Variants in TNS3 observed in about 807,000 individuals in gnomAD.
TNS3 encodes tensin-3.
In TNS3, 45 loss-of-function variants were observed where a neutral mutation model predicts 140.9. That is an observed-to-expected ratio of 0.32 (90% CI 0.25 to 0.41). The LOEUF is 0.41. Ranked by LOEUF, TNS3 falls within the 10% of genes least tolerant of loss-of-function variation. The pLI is 1.00. For missense variants in TNS3, 1,716 were observed against 1,906.7 expected (o/e 0.90, Z 1.86); for synonymous variants, 815 against 788.4 (o/e 1.03, Z -0.56).
rs1327899998 is a variant in TNS3, at chr7:47,415,175, C to T, written c.505G>A (p.Gly169Arg). The change falls in exon 11 of 31, where the codon GGA becomes AGA. Residue 169 changes from glycine (G) to arginine (R), a missense_variant. Coordinates refer to ENST00000311160, the MANE Select transcript of TNS3 (RefSeq NM_022748.12). ...YVQFLSGLLS[G>R]SVKMNASPLF... ...GGAGAGGCATTCATTTTCACCGATC[C>T]GGACAGGAGCCCACTGAGGAACTGA... is the stretch of plus-strand genomic sequence containing the variant. 2.1e-5 allele frequency: 33 copies of T among 1,609,666 alleles called. No homozygotes were observed. Among genetic ancestry groups the T allele is most frequent in the Non-Finnish European group, 2.5e-5 (30 of 1,178,450 alleles).
chr7:47,379,701 T>C (rs998965188), intron 16 of TNS3, among the ~76,000 whole-genome samples: 1 of 152,176 alleles, frequency 6.6e-6, no homozygotes. Flanking sequence ...GCTCCCTTGG[T>C]GCATCAGTCT....
chr7:47,368,723 C>T lies in TNS3; in HGVS notation c.1923G>A (p.Val641=). The T allele has an allele frequency of 6.3e-7, 1 of 1,576,338 alleles. No individual in the cohort carries two copies. Among genetic ancestry groups the T allele is most frequent in the Non-Finnish European group, 8.6e-7 (1 of 1,160,696 alleles). The change falls in exon 17 of 31, where the codon GTG becomes GTA. Residue 641 remains valine (V), a synonymous_variant. Coordinates refer to ENST00000311160, the MANE Select transcript of TNS3 (RefSeq NM_022748.12). ...CACTGCCTACACCCCTCTGGACAGC[C>T]ACCCTACTGCTGGTCCCTCGGGTGG... ...LTPTRGTSSR[V]AVQRGVGSGP... is the part of the protein sequence containing the mutation.
intron 17 of TNS3, 80 bp from the exon 18 acceptor site, chr7:47,346,436 T>G (rs911869021): frequency 2.6e-5 from 40 of 1,545,224 alleles, no homozygotes; most frequent in Non-Finnish European, 3.3e-5. Context: ...TCTTGCCTGC[T>G]GCTTCTCAAA....
At chr7:47,531,892 C>G (rs988757090) in intron 1 of TNS3, among the ~76,000 whole-genome samples, 1 of 152,180 alleles carries the variant, frequency 6.6e-6, no homozygotes, top group Non-Finnish European at 1.5e-5. Context: ...ATCTGCCCCC[C>G]GGGGTGCAGC....
At chr7:47,326,863 C>T (rs1464532852) in intron 20 of TNS3, among the ~76,000 whole-genome samples, 2 of 152,216 alleles carry the variant, frequency 1.3e-5, no homozygotes, top group African/African-American at 4.8e-5. Flanking sequence ...GATTTTCAGC[C>T]TGGGAAGGAG....
chr7:47,513,874 G>A (rs1798691536), intron 2 of TNS3, among the ~76,000 whole-genome samples: 1 of 152,192 alleles, frequency 6.6e-6, no homozygotes, highest in Non-Finnish European at 1.5e-5. Context: ...CTTGTCAGAC[G>A]AGGTTTCCAG....
At chr7:47,430,216 C>G (rs1794862912) in intron 8 of TNS3, among the ~76,000 whole-genome samples, 1 of 151,648 alleles carries the variant, frequency 6.6e-6, no homozygotes, top group East Asian at 1.9e-4. Flanking sequence ...GCAACCTCCA[C>G]CTCCCGAGTT....
chr7:47,478,448 A>G (rs1466034400), intron 4 of TNS3, among the ~76,000 whole-genome samples: 1 of 151,836 alleles, frequency 6.6e-6, no homozygotes, highest in African/African-American at 2.4e-5. Flanking sequence ...TCACATACAC[A>G]TAAACTGACA....
chr7:47,497,739 G>A (rs1798067663), intron 3 of TNS3, among the ~76,000 whole-genome samples: 1 of 148,482 alleles, frequency 6.7e-6, no homozygotes, highest in Non-Finnish European at 1.5e-5. Flanking sequence ...TTTTGTTTTT[G>A]TTTACACTGG....
At chr7:47,450,822 G>A (rs1474565209) in intron 4 of TNS3, among the ~76,000 whole-genome samples, 1 of 152,170 alleles carries the variant, frequency 6.6e-6, no homozygotes, top group Non-Finnish European at 1.5e-5. Flanking sequence ...GTCCTCACTG[G>A]CTTTTGGTGA....
chr7:47,471,185 C>T (rs1796938066), intron 4 of TNS3, among the ~76,000 whole-genome samples: 1 of 152,006 alleles, frequency 6.6e-6, no homozygotes. Context: ...GATCAAAGTT[C>T]AGCCTGTGGG....
In TNS3 at chr7:47,396,833, C is replaced by G. The variant is rs1198654450; in HGVS notation, c.991G>C (p.Asp331His). ...TCTGCACTGAGGTTCTCGTACGAGT[C>G]CCAGCGTATCAGTGGGTCTGTTGTG... ...YNTTDPLIRW[D>H]SYENLSADGE... Residue 331 changes from aspartate to histidine, a missense_variant, in exon 16 of 31, where the codon GAC (aspartate) becomes CAC (histidine). Physicochemically the swap from Asp to His is moderately conservative, Grantham distance 81 (BLOSUM62 -1). Transcript: ENST00000311160. The G allele has an allele frequency of 6.2e-7, 1 of 1,614,054 alleles. No homozygotes were observed. Among genetic ancestry groups the G allele is most frequent in the East Asian group, 2.2e-5 (1 of 44,900 alleles).
At chr7:47,513,731 G>A (rs976099199) in intron 2 of TNS3, among the ~76,000 whole-genome samples, 1 of 152,242 alleles carries the variant, frequency 6.6e-6, no homozygotes. Flanking sequence ...GCGTTTTCCT[G>A]TGAGGAGCCT....
chr7:47,418,174 C>T (rs572699102), intron 10 of TNS3, among the ~76,000 whole-genome samples: 37 of 152,210 alleles, frequency 2.4e-4, no homozygotes, highest in East Asian at 1.5e-3. Flanking sequence ...TGGTGGCATG[C>T]GCCTGTAATC....
intron 15 of TNS3, among the ~76,000 whole-genome samples, chr7:47,398,620 C>T (rs1481535879): frequency 6.6e-6 from 1 of 152,154 alleles, no homozygotes; most frequent in African/African-American, 2.4e-5. Flanking sequence ...TAAAATCTAG[C>T]ATCCCTTTAT....
At chr7:47,293,642 G>A (rs1269715064) in intron 25 of TNS3, 91 bp downstream of exon 25, 1 of 1,099,728 alleles carries the variant, frequency 9.1e-7, no homozygotes, top group East Asian at 2.4e-5. Flanking sequence ...ACCACCATAA[G>A]AGTGATAGTC....
intron 9 of TNS3, 76 bp downstream of exon 9, chr7:47,428,236 C>T (rs1439422644): frequency 7.2e-6 from 8 of 1,113,752 alleles, no homozygotes; most frequent in South Asian, 2.7e-5. Flanking sequence ...GAACAGCTCC[C>T]GCGCAGACAG....
chr7:47,470,801 T>A, intron 4 of TNS3: 1 of 238,226 alleles, frequency 4.2e-6, no homozygotes, highest in Non-Finnish European at 6.8e-6. Flanking sequence ...ATATGTTCCC[T>A]GCTGTTGACC....
At chr7:47,365,837 A>AT (rs1790667349) in intron 17 of TNS3, among the ~76,000 whole-genome samples, 1 of 152,218 alleles carries the variant, frequency 6.6e-6, no homozygotes, top group Admixed American at 6.5e-5. Context: ...GGATAATATG[A>AT]TGTGGCTTTC....
Sources: allele counts gnomAD v4.1 joint callset (sites outside exome capture counted in the v4.1 genomes callset), GRCh38; gene constraint gnomAD v4.1.1; transcripts MANE v1.5; gene names NCBI Gene and HGNC (gene_info 2026-07-23, HGNC 2026-07-21).